The following NLGN1 variants were observed in gnomAD, a reference collection of about 807,000 sequenced individuals.
The protein encoded by NLGN1 is neuroligin-1.
Under a neutral mutation model 65.5 loss-of-function variants are expected in NLGN1, and 12 were observed. That is an observed-to-expected ratio of 0.18 (90% CI 0.12 to 0.30). The LOEUF (loss-of-function observed/expected upper bound fraction) is 0.30. Among genes scored for constraint, NLGN1 ranks in the 10% least tolerant of loss-of-function variants. The pLI, the probability that NLGN1 is intolerant of heterozygous loss-of-function variation, is 1.00. For missense variants in NLGN1, 750 were observed against 1,007.1 expected, an observed-to-expected ratio of 0.74 and a Z score of 3.46; for synonymous variants, 350 against 359.5, an observed-to-expected ratio of 0.97 and a Z score of 0.30.
intron 4 of NLGN1, among the ~76,000 whole-genome samples, chr3:174,039,649 CT>C (rs1270808036): frequency 2.0e-5 from 3 of 152,102 alleles, no homozygotes; most frequent in African/African-American, 7.2e-5. Flanking sequence ...GTTATTGGAG[CT>C]CGCTTATTGC....
At chr3:174,286,983 C>G (rs573315535), downstream of NLGN1, among the ~76,000 whole-genome samples, 2 of 151,212 alleles carry the variant, frequency 1.3e-5, no homozygotes, top group Non-Finnish European at 1.5e-5. Context: ...CTTTTTGCAT[C>G]CAAATAGTGC....
intron 3 of NLGN1, among the ~76,000 whole-genome samples, chr3:173,750,779 G>T (rs1397179049): frequency 6.6e-6 from 1 of 152,000 alleles, no homozygotes; most frequent in Non-Finnish European, 1.5e-5. Context: ...TTATGCAAAT[G>T]CTTGTCTTCC....
rs1260220127 is a variant in NLGN1 at position 173,820,179 on chromosome 3, G to T, written c.646+12347G>T. The stretch of plus-strand genomic sequence containing the variant: ...GGGAGAGAGAGCGAGATTCAGTCTC[G>T]AAAAAAAAAAAAAAAAAAAAAAAAC... On this transcript the variant is annotated intron_variant, in intron 4 of 6. Coordinates refer to ENST00000457714, the Ensembl canonical transcript of NLGN1. Among the ~76,000 whole-genome samples, 3 of 136,660 alleles carry T rather than the reference G, an allele frequency of 2.2e-5. No individual in the cohort carries two copies. The East Asian group carries it at 1.2e-3, about 54-fold the overall frequency. 89.7% of individuals were successfully genotyped at this position (136,660 alleles called of 152,430 possible).
At chr3:173,652,570 C>A (rs1340830768) in intron 3 of NLGN1, among the ~76,000 whole-genome samples, 1 of 152,040 alleles carries the variant, frequency 6.6e-6, no homozygotes, top group Non-Finnish European at 1.5e-5. Context: ...TGTAGCTTAA[C>A]CTCTGGGATC....
intron 4 of NLGN1, among the ~76,000 whole-genome samples, chr3:173,908,932 A>G (rs1244384277): frequency 6.6e-6 from 1 of 152,190 alleles, no homozygotes; most frequent in African/African-American, 2.4e-5. Context: ...AAAGATTGAA[A>G]TGTAATAACA....
intron 3 of NLGN1, among the ~76,000 whole-genome samples, chr3:173,757,970 C>T (rs1777387811): frequency 6.6e-6 from 1 of 151,980 alleles, no homozygotes; most frequent in Admixed American, 6.6e-5. Context: ...GTCCCCTCCC[C>T]AAATTCAGAT....
chr3:173,942,109 G>GTGTGTGTGTGTGTGT (rs1553896554), intron 4 of NLGN1, among the ~76,000 whole-genome samples: 3 of 144,070 alleles, frequency 2.1e-5, no homozygotes, highest in Admixed American at 7.0e-5. Flanking sequence ...GGTGGTTGGG[G>GTGTGTGTGTGTGTGT]GTGTGTGTGT....
At chr3:173,529,864 G>A (rs780848936) in intron 2 of NLGN1, among the ~76,000 whole-genome samples, 4 of 152,084 alleles carry the variant, frequency 2.6e-5, no homozygotes, top group Non-Finnish European at 4.4e-5. Context: ...TGGGTTGACC[G>A]GCCTCTAGCC....
At chr3:173,465,639 A>G (rs1245586314) in intron 2 of NLGN1, among the ~76,000 whole-genome samples, 1 of 152,222 alleles carries the variant, frequency 6.6e-6, no homozygotes, top group Non-Finnish European at 1.5e-5. Flanking sequence ...GAGGTAAGAG[A>G]TGAAGTCATA....
chr3:173,846,083 G>GT (rs1725741885), intron 4 of NLGN1, among the ~76,000 whole-genome samples: 1 of 152,082 alleles, frequency 6.6e-6, no homozygotes, highest in African/African-American at 2.4e-5. Flanking sequence ...TCCTGGCTAG[G>GT]ATGGTGATTT....
chr3:173,913,670 C>T (rs1740119157), intron 4 of NLGN1, among the ~76,000 whole-genome samples: 1 of 152,142 alleles, frequency 6.6e-6, no homozygotes, highest in African/African-American at 2.4e-5. Context: ...GGCCACATTT[C>T]ACTTCATGCA....
At chr3:173,944,124 G>GGTGTGTGTGTGTGT (rs1553897255) in intron 4 of NLGN1, among the ~76,000 whole-genome samples, 49 of 139,592 alleles carry the variant, frequency 3.5e-4, no homozygotes, top group South Asian at 1.4e-3. Flanking sequence ...TAATATTATG[G>GGTGTGTGTGTGTGT]GTGTGTGTGT....
intron 2 of NLGN1, among the ~76,000 whole-genome samples, chr3:173,467,298 T>C (rs1199927605): frequency 6.6e-6 from 1 of 152,108 alleles, no homozygotes; most frequent in Non-Finnish European, 1.5e-5. Flanking sequence ...CATATTGTTA[T>C]CGATAGTAAT....
chr3:173,653,643 CA>C (rs1338947204), intron 3 of NLGN1, among the ~76,000 whole-genome samples: 1 of 152,138 alleles, frequency 6.6e-6, no homozygotes, highest in African/African-American at 2.4e-5. Context: ...TAGTTGATTA[CA>C]AGATAGCTAT....
At chr3:174,210,771 C>T (rs571329703) in intron 4 of NLGN1, among the ~76,000 whole-genome samples, 4 of 152,274 alleles carry the variant, frequency 2.6e-5, no homozygotes, top group Admixed American at 6.5e-5. Flanking sequence ...ATTTTATCAA[C>T]GCCAGAGCAA....
chr3:174,239,154 C>T (rs1049828080), intron 4 of NLGN1, among the ~76,000 whole-genome samples: 3 of 151,980 alleles, frequency 2.0e-5, no homozygotes, highest in South Asian at 2.1e-4. Context: ...CTGCAACCTC[C>T]GCCTCCCGGG....
intron 4 of NLGN1, among the ~76,000 whole-genome samples, chr3:174,173,829 CTTTT>C (rs1019040667): frequency 6.6e-6 from 1 of 151,686 alleles, no homozygotes; most frequent in Admixed American, 6.6e-5. Flanking sequence ...TTCTTTCTTT[CTTTT>C]TAATTTCCAA....
intron 4 of NLGN1, among the ~76,000 whole-genome samples, chr3:174,198,410 T>G (rs1249577240): frequency 1.3e-5 from 2 of 152,338 alleles, no homozygotes; most frequent in South Asian, 2.1e-4. Flanking sequence ...TATATTGTGC[T>G]GTACATCCTT....
chr3:174,204,696 C>T (rs1735083882), intron 4 of NLGN1, among the ~76,000 whole-genome samples: 1 of 152,188 alleles, frequency 6.6e-6, no homozygotes, highest in African/African-American at 2.4e-5. Flanking sequence ...GACTAATGCC[C>T]TAGAAAAGCT....
Sources: gnomAD v4.1 joint callset for allele counts (sites outside exome capture counted in the v4.1 genomes callset) on GRCh38, gnomAD v4.1.1 for gene constraint, MANE v1.5 for transcripts, NCBI Gene and HGNC (gene_info 2026-07-23, HGNC 2026-07-21) for gene names.